The following MAP2 variants were observed in gnomAD, a reference collection of about 807,000 sequenced individuals.
MAP2 encodes microtubule associated protein 2, also known as microtubule-associated protein 2.
A neutral mutation model predicts 137.6 loss-of-function variants in MAP2; 14 were observed. That is an observed-to-expected ratio of 0.10 (90% CI 0.07 to 0.16). The LOEUF (loss-of-function observed/expected upper bound fraction) is 0.16, where lower values mean the gene tolerates loss of function less well. Ranked by LOEUF, MAP2 falls within the 10% of genes least tolerant of loss-of-function variation. The pLI, the probability that MAP2 is intolerant of heterozygous loss-of-function variation, is 1.00. For synonymous variants in MAP2, 786 were observed against 782.3 expected, an observed-to-expected ratio of 1.00 and a Z score of -0.08; for missense variants, 2,088 against 2,191.5, an observed-to-expected ratio of 0.95 and a Z score of 0.94.
At chr2:209,466,686 G>A (rs1207015786) in intron 1 of MAP2, among the ~76,000 whole-genome samples, 8 of 152,146 alleles carry the variant, frequency 5.3e-5, no homozygotes. Context: ...TGATCTAAAT[G>A]CTACATATTT....
intron 3 of MAP2, among the ~76,000 whole-genome samples, chr2:209,591,741 T>A (rs537785435): frequency 6.6e-6 from 1 of 152,204 alleles, no homozygotes; most frequent in Admixed American, 6.5e-5. Context: ...GTTGTAAATA[T>A]TATACTTCCA....
intron 5 of MAP2, chr2:209,661,689 T>C (rs770670219): frequency 1.1e-5 from 11 of 985,462 alleles, no homozygotes; most frequent in Non-Finnish European, 1.3e-5. Context: ...GTTTGTATTG[T>C]CACGTTTGCT....
chr2:209,443,933 G>T (rs190124735), intron 1 of MAP2, among the ~76,000 whole-genome samples: 1 of 151,636 alleles, frequency 6.6e-6, no homozygotes, highest in East Asian at 1.9e-4. Context: ...CATCACTTTG[G>T]ATTCTTTACA....
intron 4 of MAP2, among the ~76,000 whole-genome samples, chr2:209,649,234 C>T (rs1332116050): frequency 6.6e-6 from 1 of 151,984 alleles, no homozygotes; most frequent in Admixed American, 6.6e-5. Context: ...TCAGGCTGGT[C>T]TTGAACTCCT....
intron 10 of MAP2, among the ~76,000 whole-genome samples, chr2:209,697,779 G>A (rs1317519120): frequency 6.6e-6 from 1 of 152,114 alleles, no homozygotes; most frequent in Admixed American, 6.5e-5. Flanking sequence ...CAAATTTGAA[G>A]CTAAAACTCT....
chr2:209,528,923 C>CAT (rs200742253), intron 2 of MAP2, among the ~76,000 whole-genome samples: 1 of 135,396 alleles, frequency 7.4e-6, no homozygotes, highest in African/African-American at 2.8e-5. Context: ...TACACACATA[C>CAT]ATATATATAC....
At chr2:209,507,853 A>G (rs2061259658) in intron 2 of MAP2, among the ~76,000 whole-genome samples, 1 of 152,084 alleles carries the variant, frequency 6.6e-6, no homozygotes, top group Non-Finnish European at 1.5e-5. Flanking sequence ...TGGTTTTTGA[A>G]TGTTGAATTT....
chr2:209,709,574 CTCTT>C (rs1265490621), intron 12 of MAP2, among the ~76,000 whole-genome samples: 1 of 152,092 alleles, frequency 6.6e-6, no homozygotes, highest in Non-Finnish European at 1.5e-5. Flanking sequence ...TAAGTGTAAA[CTCTT>C]TCCAACTAAA....
intron 5 of MAP2, among the ~76,000 whole-genome samples, chr2:209,677,088 C>T (rs1308981767): frequency 6.6e-6 from 1 of 151,626 alleles, no homozygotes; most frequent in East Asian, 1.9e-4. Context: ...AGAAACCCCA[C>T]CCAGCAGCCT....
intron 14 of MAP2, among the ~76,000 whole-genome samples, chr2:209,729,596 A>G (rs1007850922): frequency 2.0e-5 from 3 of 152,208 alleles, no homozygotes; most frequent in Non-Finnish European, 2.9e-5. Context: ...TAGGTTAGAC[A>G]TGGGTAAAGG....
chr2:209,699,499 A>C (rs1472717345), intron 10 of MAP2, among the ~76,000 whole-genome samples: 1 of 152,230 alleles, frequency 6.6e-6, no homozygotes, highest in Non-Finnish European at 1.5e-5. Flanking sequence ...AAGCTACCTC[A>C]GGTAAGTCAT....
At chr2:209,472,293 G>T (rs907360602) in intron 1 of MAP2, among the ~76,000 whole-genome samples, 2 of 152,168 alleles carry the variant, frequency 1.3e-5, no homozygotes, top group Non-Finnish European at 2.9e-5. Context: ...GTTAGCCAAG[G>T]ATTTAAGTTG....
chr2:209,657,355 G>A (rs904294289), intron 5 of MAP2, among the ~76,000 whole-genome samples: 1 of 152,136 alleles, frequency 6.6e-6, no homozygotes, highest in African/African-American at 2.4e-5. Context: ...TCTCCATACC[G>A]TTTTCCATAA....
chr2:209,592,715 A>G (rs2079580848), intron 3 of MAP2, among the ~76,000 whole-genome samples: 1 of 152,120 alleles, frequency 6.6e-6, no homozygotes, highest in South Asian at 2.1e-4. Flanking sequence ...GGCTTTAGGA[A>G]TTTTGTGTGA....
intron 4 of MAP2, among the ~76,000 whole-genome samples, chr2:209,637,923 A>G (rs901022957): frequency 6.6e-6 from 1 of 152,206 alleles, no homozygotes; most frequent in African/African-American, 2.4e-5. Flanking sequence ...TAACTTGCAT[A>G]TGATGGGTCT....
Position 209,680,328 on chromosome 2 carries a change from G to A in MAP2, c.377-422G>A, listed in dbSNP as rs112862130. On this transcript the variant is annotated intron_variant, in intron 6 of 15. Coordinates refer to ENST00000682079, the MANE Select transcript of MAP2 (RefSeq NM_001375505.1). The stretch of plus-strand genomic sequence containing the variant: ...ACACATGTTTCCAGATTGAGCAGTT[G>A]AACAATAGAGAGTTCTAATAGTTTT... 8.0e-3 allele frequency among the ~76,000 whole-genome samples: 1,219 copies of A among 152,208 alleles called. 18 individuals carry two copies. The highest frequency in any genetic ancestry group is 0.027 in the African/African-American group (1,138 of 41,552).
At chr2:209,725,646 T>A in intron 13 of MAP2, 63 bp from the exon 14 acceptor site, 5 of 1,048,790 alleles carry the variant, frequency 4.8e-6, no homozygotes, top group Non-Finnish European at 6.9e-6. Flanking sequence ...AGATCTTATG[T>A]ATGAGCTTGG....
chr2:209,664,282 G>T (rs1053611613), intron 5 of MAP2, among the ~76,000 whole-genome samples: 1 of 152,226 alleles, frequency 6.6e-6, no homozygotes, highest in Non-Finnish European at 1.5e-5. Context: ...GGGCATGGTG[G>T]CTTGCGCCTG....
chr2:209,613,959 G>T (rs1051530242), intron 3 of MAP2, among the ~76,000 whole-genome samples: 6 of 152,106 alleles, frequency 3.9e-5, no homozygotes, highest in Non-Finnish European at 7.4e-5. Context: ...GTGTTTTTAA[G>T]CCCAGGCTTT....
Sources: gnomAD v4.1 joint callset for allele counts (sites outside exome capture counted in the v4.1 genomes callset) on GRCh38, gnomAD v4.1.1 for gene constraint, MANE v1.5 for transcripts, NCBI Gene and HGNC (gene_info 2026-07-23, HGNC 2026-07-21) for gene names.